The following ZNF454 variants were observed in gnomAD, a reference collection of about 807,000 sequenced individuals.
ZNF454 encodes the protein zinc finger protein 454.
ZNF454 carries 30 observed loss-of-function variants against 48.2 expected under a neutral mutation model. The ratio of observed to expected loss-of-function variants is 0.62; its 90% CI spans 0.47 to 0.84. The LOEUF (loss-of-function observed/expected upper bound fraction) is 0.84. ZNF454 is among the 40% of genes least tolerant of loss of function. The pLI is 0.00. For synonymous variants in ZNF454, 204 were observed against 211.4 expected (o/e 0.97, Z 0.30); for missense variants, 510 against 623.1 (o/e 0.82, Z 1.93).
the ZNF454 span, chr5:178,981,468 C>T: frequency 3.4e-6 from 2 of 592,426 alleles, no homozygotes; most frequent in Non-Finnish European, 6.0e-6. The surrounding 1 kb of genome is among the most constrained non-coding windows in gnomAD (Gnocchi z 5.1). Flanking sequence ...GCATGAAGCT[C>T]ACATGCTGGA....
the ZNF454 span, chr5:178,986,234 G>A: frequency 1.9e-4 from 304 of 1,614,190 alleles, 1 homozygote; most frequent in South Asian, 4.9e-4. Flanking sequence ...CGGTAGATAC[G>A]GTTGGTCTTG....
Position 178,946,751 on chromosome 5 carries a change from C to T in ZNF454, c.161-146C>T. The T allele has an allele frequency of 1.3e-6, 1 of 794,314 alleles. No homozygotes were observed. The highest frequency in any genetic ancestry group is 2.0e-6 in the Non-Finnish European group (1 of 489,410). 49.2% of individuals were successfully genotyped at this position (794,314 alleles called of 1,614,324 possible). A position where few individuals can be genotyped will look rare whatever the true frequency, so the allele number is the denominator to read the frequency against. On this transcript the variant is annotated intron_variant, in intron 3 of 4. Transcript: ENST00000519564. This position sits in a 1 kb window ranked among gnomAD's most constrained non-coding sequence, Gnocchi z 4.5. ...TTGTGTCAGGCCTGAGTAATCTTTT[C>T]CTCCCTCTGGGAACACACCTGACCC...
chr5:178,945,803 G>A (rs182807004), intron 2 of ZNF454, among the ~76,000 whole-genome samples: 15 of 152,064 alleles, frequency 9.9e-5, no homozygotes, highest in East Asian at 9.7e-4. Flanking sequence ...TACATGGGCC[G>A]TGTTCCAGAT....
chr5:178,975,645 G>A, the ZNF454 span: 3 of 375,884 alleles, frequency 8.0e-6, no homozygotes, highest in South Asian at 5.6e-5. Flanking sequence ...TAAAGTCCTT[G>A]ATTTTAGTGG....
intron 4 of ZNF454, among the ~76,000 whole-genome samples, chr5:178,952,060 C>T (rs1189511068): frequency 7.8e-5 from 11 of 140,642 alleles, no homozygotes; most frequent in Admixed American, 6.6e-4. Flanking sequence ...TTTTTTGAGA[C>T]GGAGTCTCGT....
In ZNF454 at chr5:178,946,235, C is replaced by T; in HGVS notation, c.34-124C>T. On this transcript the variant is annotated intron_variant, in intron 2 of 4. Coordinates refer to ENST00000519564, the MANE Select transcript of ZNF454 (RefSeq NM_001178089.3). This position sits in a 1 kb window ranked among gnomAD's most constrained non-coding sequence, Gnocchi z 4.5. ...AGAGTGATGAACTTGTCACAGAACGCCAGCTCCCTGTGTGCCAGCAGTCCT... is the reference window on the plus strand; with the variant it reads ...AGAGTGATGAACTTGTCACAGAACGTCAGCTCCCTGTGTGCCAGCAGTCCT... 1 of 1,356,790 alleles carries T rather than the reference C, an allele frequency of 7.4e-7. No homozygotes were observed. 84.0% of individuals were successfully genotyped at this position (1,356,790 alleles called of 1,614,324 possible).
Position 178,965,494 on chromosome 5 carries a change from G to C in ZNF454, c.1090G>C (p.Ala364Pro). 6.2e-7 allele frequency: 1 copy of C among 1,614,108 alleles called. No homozygotes were observed. The highest frequency in any genetic ancestry group is 8.5e-7 in the Non-Finnish European group (1 of 1,180,000). ...CTTTGAATGTAATGAATGTGGGAAG[G>C]CCTTCAGGGTGAACTCTTCCCTTAC... ...KPFECNECGK[A>P]FRVNSSLTEH... Residue 364 changes from alanine (A) to proline (P), a missense_variant, in exon 5 of 5, where the codon GCC (alanine) becomes CCC (proline). This residue lies in a region of ZNF454 where 153 missense variants were observed against 195.8 expected (regional missense o/e 0.78). Coordinates refer to ENST00000519564, the MANE Select transcript of ZNF454 (RefSeq NM_001178089.3). The surrounding 1 kb of genome is among the most constrained non-coding windows in gnomAD (Gnocchi z 5.2).
At chr5:178,950,338 C>CGCCTTT (rs1759502301) in intron 4 of ZNF454, among the ~76,000 whole-genome samples, 1 of 152,184 alleles carries the variant, frequency 6.6e-6, no homozygotes, top group South Asian at 2.1e-4. Context: ...GTGTTGGCTG[C>CGCCTTT]GCCTTTTCAT....
At chr5:178,983,040 G>C in the ZNF454 span, 1 of 1,613,948 alleles carries the variant, frequency 6.2e-7, no homozygotes, top group Non-Finnish European at 8.5e-7. Context: ...GGCCTTGATG[G>C]CGTACACTGT....
chr5:178,982,794 A>G, the ZNF454 span: 1 of 747,032 alleles, frequency 1.3e-6, no homozygotes, highest in Non-Finnish European at 2.4e-6. Context: ...GAGTGAATGA[A>G]CAAGCAGCCA....
chr5:178,988,850 C>T, the ZNF454 span: 2 of 1,121,336 alleles, frequency 1.8e-6, no homozygotes, highest in Non-Finnish European at 2.6e-6. The surrounding 1 kb of genome is among the most constrained non-coding windows in gnomAD (Gnocchi z 6.0). Flanking sequence ...CCAGCCCTTC[C>T]ACCCTGAGGT....
chr5:178,988,637 G>A, the ZNF454 span, among the ~76,000 whole-genome samples: 4 of 152,320 alleles, frequency 2.6e-5, no homozygotes, highest in South Asian at 2.1e-4. This position sits in a 1 kb window ranked among gnomAD's most constrained non-coding sequence, Gnocchi z 6.0. Context: ...CAAGCTCTGC[G>A]CAGTGGAGGG....
chr5:178,959,416 C>T (rs1337681376), intron 4 of ZNF454, among the ~76,000 whole-genome samples: 2 of 152,146 alleles, frequency 1.3e-5, no homozygotes, highest in Non-Finnish European at 2.9e-5. Flanking sequence ...ATTACTCGAG[C>T]ATTATAATAA....
the ZNF454 span, chr5:178,989,149 G>A: frequency 3.4e-5 from 55 of 1,612,684 alleles, no homozygotes; most frequent in East Asian, 1.1e-3. Context: ...TCCTAGGGAT[G>A]CCCAGAGAAA....
chr5:178,982,987 A>G, the ZNF454 span: 4 of 1,614,158 alleles, frequency 2.5e-6, no homozygotes, highest in Non-Finnish European at 3.4e-6. Flanking sequence ...TACATGGTGA[A>G]GCCGATGGGC....
chr5:178,942,004 C>T (rs1048874804), intron 1 of ZNF454, among the ~76,000 whole-genome samples: 7 of 152,360 alleles, frequency 4.6e-5, no homozygotes, highest in Middle Eastern at 3.4e-3. Flanking sequence ...GCGGAGCGGT[C>T]TTCCAATCCA....
At chr5:178,982,625 A>T in the ZNF454 span, among the ~76,000 whole-genome samples, 1 of 142,578 alleles carries the variant, frequency 7.0e-6, no homozygotes, top group Non-Finnish European at 1.6e-5. Flanking sequence ...AACTTGAATT[A>T]AAAAAAACAA....
chr5:178,989,509 G>A, the ZNF454 span: 10 of 1,445,026 alleles, frequency 6.9e-6, no homozygotes, highest in African/African-American at 2.8e-5. Context: ...GTGGCCAGGT[G>A]AGCTAGGAGT....
intron 2 of ZNF454, among the ~76,000 whole-genome samples, chr5:178,943,523 G>A (rs1198587168): frequency 2.6e-5 from 4 of 152,130 alleles, no homozygotes; most frequent in African/African-American, 9.7e-5. Flanking sequence ...AGTTGGAAGG[G>A]ACATACATCC....
Sources: gnomAD v4.1 joint callset for allele counts (sites outside exome capture counted in the v4.1 genomes callset) on GRCh38, gnomAD v4.1.1 for gene constraint, gnomAD v4.1.1 regional missense constraint, Gnocchi (gnomAD v3.1) non-coding constraint, MANE v1.5 for transcripts, NCBI Gene and HGNC (gene_info 2026-07-23, HGNC 2026-07-21) for gene names.